MECOM: variants seen among roughly 807,000 people sequenced by gnomAD.
MECOM encodes histone-lysine N-methyltransferase MECOM.
A neutral mutation model predicts 116.3 loss-of-function variants in MECOM; 13 were observed. The observed-to-expected ratio is 0.11, with a 90% CI of 0.07 to 0.18. The LOEUF is 0.18. Ranked by LOEUF, MECOM falls within the 10% of genes least tolerant of loss-of-function variation. The pLI, the probability that MECOM is intolerant of heterozygous loss-of-function variation, is 1.00. For missense variants in MECOM, 1,299 were observed against 1,509.0 expected, an observed-to-expected ratio of 0.86 and a Z score of 2.31; for synonymous variants, 528 against 535.2, an observed-to-expected ratio of 0.99 and a Z score of 0.19.
At chr3:169,320,025 A>G (rs1396529263) in intron 2 of MECOM, among the ~76,000 whole-genome samples, 1 of 152,232 alleles carries the variant, frequency 6.6e-6, no homozygotes, top group Non-Finnish European at 1.5e-5. Flanking sequence ...ATTTCAGAAG[A>G]GTAGTAGAGA....
chr3:169,645,147 A>G (rs1774006656), intron 1 of MECOM, among the ~76,000 whole-genome samples: 2 of 152,208 alleles, frequency 1.3e-5, no homozygotes, highest in South Asian at 4.1e-4. Flanking sequence ...ATGAATTTTC[A>G]TGTATATGGA....
chr3:169,521,582 G>A (rs1167940798), intron 1 of MECOM, among the ~76,000 whole-genome samples: 2 of 152,212 alleles, frequency 1.3e-5, no homozygotes, highest in Admixed American at 6.5e-5. Context: ...AGTGGTCTGA[G>A]ATGTGTGGAT....
intron 2 of MECOM, among the ~76,000 whole-genome samples, chr3:169,180,910 A>G (rs886447471): frequency 3.3e-5 from 5 of 150,934 alleles, no homozygotes; most frequent in African/African-American, 4.9e-5. Context: ...CAACACTTCT[A>G]AGGAGATTTC....
rs574201835 is a variant in MECOM, at chr3:169,585,585, G to A, written c.37+77751C>T. On this transcript the variant is annotated intron_variant, in intron 1 of 16. Coordinates refer to ENST00000651503, the MANE Select transcript of MECOM (RefSeq NM_004991.4). ...GCCAAGAACCAGGTATTATTACCAG[G>A]TCTATAGACACCTATAAGGTTATAC... is the stretch of plus-strand genomic sequence containing the variant. 1.7e-3 allele frequency among the ~76,000 whole-genome samples: 262 copies of A among 152,244 alleles called. 4 individuals carry two copies. The highest frequency in any genetic ancestry group is 0.017 in the Middle Eastern group (5 of 294).
chr3:169,104,619 T>C (rs1724715330), intron 10 of MECOM, among the ~76,000 whole-genome samples: 2 of 152,190 alleles, frequency 1.3e-5, no homozygotes, highest in African/African-American at 4.8e-5. Flanking sequence ...CATTTGAGTG[T>C]CCATCTTGCT....
intron 2 of MECOM, among the ~76,000 whole-genome samples, chr3:169,231,316 C>T (rs1001527258): frequency 6.6e-6 from 1 of 152,052 alleles, no homozygotes; most frequent in Admixed American, 6.6e-5. Flanking sequence ...CACCAGACAC[C>T]AGGCTAAATA....
intron 2 of MECOM, among the ~76,000 whole-genome samples, chr3:169,209,921 C>G (rs1750491465): frequency 6.6e-6 from 1 of 152,106 alleles, no homozygotes; most frequent in Admixed American, 6.5e-5. Flanking sequence ...TATTGCAGCA[C>G]TATTTACAAT....
intron 1 of MECOM, among the ~76,000 whole-genome samples, chr3:169,490,962 A>C (rs1423138805): frequency 1.3e-5 from 2 of 152,038 alleles, no homozygotes; most frequent in African/African-American, 4.8e-5. Context: ...GGGCTCAAGC[A>C]ATCCTCTCTC....
At chr3:169,327,593 AC>A (rs1722056024) in intron 2 of MECOM, among the ~76,000 whole-genome samples, 2 of 149,232 alleles carry the variant, frequency 1.3e-5, no homozygotes, top group Admixed American at 1.4e-4. Context: ...AGCCAAGACC[AC>A]ACCATTGCAC....
rs574908179 is a variant in MECOM, at chr3:169,618,296, C to T, written c.37+45040G>A. ...CTCCCACTAGCCCTTCATATCTCAA[C>T]CAGATTATATTTCATAATGGCCCAG... is the stretch of plus-strand genomic sequence containing the variant. On this transcript the variant is annotated intron_variant, in intron 1 of 16. Transcript: ENST00000651503. Among the ~76,000 whole-genome samples, 33 of 152,310 alleles carry T rather than the reference C, an allele frequency of 2.2e-4. No individual in the cohort carries two copies. The East Asian group carries it at 6.0e-3, about 28-fold the overall frequency.
intron 2 of MECOM, among the ~76,000 whole-genome samples, chr3:169,162,788 G>T (rs1364177681): frequency 6.6e-6 from 1 of 152,110 alleles, no homozygotes; most frequent in Non-Finnish European, 1.5e-5. Context: ...CATACTCAGT[G>T]CTGGGTGAAT....
At chr3:169,294,834 G>C (rs930338802) in intron 2 of MECOM, among the ~76,000 whole-genome samples, 1 of 152,052 alleles carries the variant, frequency 6.6e-6, no homozygotes, top group Admixed American at 6.5e-5. Context: ...AGCTTGGTCT[G>C]CTTGGACAGA....
At chr3:169,602,524 GGA>G (rs1767956455) in intron 1 of MECOM, among the ~76,000 whole-genome samples, 1 of 152,090 alleles carries the variant, frequency 6.6e-6, no homozygotes, top group Non-Finnish European at 1.5e-5. Context: ...CCTGATTGTA[GGA>G]TGTTTAACAG....
rs182460023 is a variant in MECOM at position 169,104,046 on chromosome 3, C to T, written c.2605-1820G>A. Among the ~76,000 whole-genome samples, 73 of 152,264 alleles carry T rather than the reference C, an allele frequency of 4.8e-4. 1 individual carries two copies. The highest frequency in any genetic ancestry group is 5.7e-4 in the Non-Finnish European group (39 of 68,034). ...AGTCAAGATACATTTACTTGTCAGA[C>T]GACAAATGTGAACGCATCGGGAGGC... is the stretch of plus-strand genomic sequence containing the variant. On this transcript the variant is annotated intron_variant, in intron 10 of 16. Transcript: ENST00000651503.
At chr3:169,385,204 T>G (rs567983992) in intron 1 of MECOM, among the ~76,000 whole-genome samples, 12 of 151,474 alleles carry the variant, frequency 7.9e-5, no homozygotes, top group African/African-American at 2.9e-4. Flanking sequence ...ACTCTCCCAA[T>G]GCATAATCTA....
At chr3:169,646,089 T>G (rs913156237) in intron 1 of MECOM, among the ~76,000 whole-genome samples, 5 of 152,184 alleles carry the variant, frequency 3.3e-5, no homozygotes, top group African/African-American at 1.2e-4. Flanking sequence ...TTTTTATGGC[T>G]GCATAGTATT....
chr3:169,653,289 G>C (rs1315645873), intron 1 of MECOM, among the ~76,000 whole-genome samples: 2 of 152,120 alleles, frequency 1.3e-5, no homozygotes, highest in African/African-American at 2.4e-5. Flanking sequence ...ATTGATATCT[G>C]CCATATGCAA....
At chr3:169,578,351 T>G (rs1764750214) in intron 1 of MECOM, among the ~76,000 whole-genome samples, 1 of 152,066 alleles carries the variant, frequency 6.6e-6, no homozygotes, top group Non-Finnish European at 1.5e-5. Flanking sequence ...GAGCATAAAT[T>G]TTTTTTTAGA....
intron 1 of MECOM, among the ~76,000 whole-genome samples, chr3:169,460,912 GATCATGT>G (rs1747335328): frequency 1.3e-5 from 2 of 152,208 alleles, no homozygotes; most frequent in South Asian, 4.1e-4. Context: ...ATATATGGGA[GATCATGT>G]TCCAGATTCA....
Sources: allele counts gnomAD v4.1 joint callset (sites outside exome capture counted in the v4.1 genomes callset), GRCh38; gene constraint gnomAD v4.1.1; transcripts MANE v1.5; gene names NCBI Gene and HGNC (gene_info 2026-07-23, HGNC 2026-07-21).